VMP1: variants seen among roughly 807,000 people sequenced by gnomAD.
VMP1 encodes the protein ectopic P-granules autophagy protein 3 homolog.
Under a neutral mutation model 56.0 loss-of-function variants are expected in VMP1, and 11 were observed. The observed-to-expected ratio is 0.20, with a 90% confidence interval of 0.12 to 0.32. The LOEUF (loss-of-function observed/expected upper bound fraction) is 0.32. Ranked by LOEUF, VMP1 falls within the 10% of genes least tolerant of loss-of-function variation. The probability of loss-of-function intolerance (pLI) is 1.00; values close to 1 mark genes in which losing one functional copy is unlikely to be tolerated. For missense variants in VMP1, 296 were observed against 490.3 expected, an observed-to-expected ratio of 0.60 and a Z score of 3.74; for synonymous variants, 149 against 165.0, an observed-to-expected ratio of 0.90 and a Z score of 0.74.
chr17:59,719,296 G>A (rs1448485844), intron 1 of VMP1, among the ~76,000 whole-genome samples: 4 of 148,674 alleles, frequency 2.7e-5, no homozygotes, highest in Non-Finnish European at 1.5e-5. Flanking sequence ...TCTAGCCTGA[G>A]TGACAGAGGA....
intron 6 of VMP1, among the ~76,000 whole-genome samples, chr17:59,768,230 A>G (rs896910655): frequency 6.6e-6 from 1 of 152,202 alleles, no homozygotes; most frequent in Non-Finnish European, 1.5e-5. Context: ...GTCTCGTTAT[A>G]TTAAAAATAC....
chr17:59,791,115 T>A (rs1288203990), intron 7 of VMP1, among the ~76,000 whole-genome samples: 11 of 151,926 alleles, frequency 7.2e-5, no homozygotes, highest in Non-Finnish European at 1.3e-4. Flanking sequence ...ATTTCTAAAA[T>A]CATGGGCCTG....
Position 59,839,637 on chromosome 17 carries a change from G to T in VMP1, c.1078-131G>T. 1.0e-5 allele frequency: 12 copies of T among 1,144,758 alleles called. No individual in the cohort carries two copies. The South Asian group carries it at 1.5e-4, about 14-fold the overall frequency. 70.9% of individuals were successfully genotyped at this position (1,144,758 alleles called of 1,614,324 possible). The stretch of plus-strand genomic sequence containing the variant: ...TAATGGAGATTTCAGAGTAGTTGGG[G>T]TTGCTTACTTTTCATTTTTAATTCT... On this transcript the variant is annotated intron_variant, in intron 11 of 11. Coordinates refer to ENST00000262291, the MANE Select transcript of VMP1 (RefSeq NM_030938.5).
chr17:59,739,696 C>T (rs1434850167), intron 5 of VMP1, among the ~76,000 whole-genome samples: 3 of 130,036 alleles, frequency 2.3e-5, no homozygotes, highest in Non-Finnish European at 4.7e-5. Flanking sequence ...TGCACTCCAG[C>T]CTGGGCGACA....
intron 7 of VMP1, among the ~76,000 whole-genome samples, chr17:59,777,757 T>C (rs1391486146): frequency 6.6e-6 from 1 of 151,990 alleles, no homozygotes; most frequent in African/African-American, 2.4e-5. Context: ...GAGGTTGCGG[T>C]GAGCCAAGAT....
chr17:59,782,930 C>T (rs2036875710), intron 7 of VMP1, among the ~76,000 whole-genome samples: 1 of 152,134 alleles, frequency 6.6e-6, no homozygotes, highest in African/African-American at 2.4e-5. Flanking sequence ...TGGCCGGGCG[C>T]GATGGCTCAC....
At chr17:59,755,442 T>C (rs546848412) in intron 5 of VMP1, among the ~76,000 whole-genome samples, 5 of 152,240 alleles carry the variant, frequency 3.3e-5, no homozygotes, top group Admixed American at 3.3e-4. Flanking sequence ...TAATTCAATA[T>C]AATAAAAATA....
At chr17:59,779,499 C>G (rs570648124) in intron 7 of VMP1, among the ~76,000 whole-genome samples, 2 of 152,282 alleles carry the variant, frequency 1.3e-5, no homozygotes, top group South Asian at 2.1e-4. Context: ...TTTTGCTTCT[C>G]TTACATATCC....
At chr17:59,713,554 A>C (rs2034018272) in intron 1 of VMP1, among the ~76,000 whole-genome samples, 1 of 151,960 alleles carries the variant, frequency 6.6e-6, no homozygotes, top group African/African-American at 2.4e-5. Flanking sequence ...GGGCAGGTAA[A>C]AGAAAGATCT....
At chr17:59,737,606 C>T in intron 4 of VMP1, 63 bp downstream of exon 4, 2 of 1,403,354 alleles carry the variant, frequency 1.4e-6, no homozygotes, top group East Asian at 2.4e-5. Context: ...ATCTCAGTTT[C>T]AAATGGGATG....
At chr17:59,813,974 A>ATGATGAT (rs2038141301) in intron 9 of VMP1, among the ~76,000 whole-genome samples, 1 of 150,964 alleles carries the variant, frequency 6.6e-6, no homozygotes. Flanking sequence ...TCAATTTATG[A>ATGATGAT]TGATTGATTG....
At chr17:59,766,614 A>G (rs2036239872) in intron 6 of VMP1, among the ~76,000 whole-genome samples, 1 of 152,224 alleles carries the variant, frequency 6.6e-6, no homozygotes, top group East Asian at 1.9e-4. Flanking sequence ...AAGCCTTATT[A>G]TAGTGAACGT....
intron 6 of VMP1, among the ~76,000 whole-genome samples, chr17:59,772,853 A>G (rs1342014305): frequency 1.3e-5 from 2 of 151,602 alleles, no homozygotes; most frequent in African/African-American, 4.9e-5. Flanking sequence ...AAAAGTTTTA[A>G]CTCAACAGAA....
chr17:59,779,143 G>A (rs2036732151), intron 7 of VMP1, among the ~76,000 whole-genome samples: 1 of 152,236 alleles, frequency 6.6e-6, no homozygotes, highest in Admixed American at 6.5e-5. Context: ...GTCACCCGTT[G>A]TAAGTCAAGG....
intron 10 of VMP1, among the ~76,000 whole-genome samples, chr17:59,836,994 G>A (rs1414671366): frequency 6.6e-6 from 1 of 152,058 alleles, no homozygotes; most frequent in Non-Finnish European, 1.5e-5. Flanking sequence ...GAGGTCAGGA[G>A]TTCAAGACCA....
chr17:59,770,003 A>G (rs2036368665), intron 6 of VMP1, among the ~76,000 whole-genome samples: 1 of 152,134 alleles, frequency 6.6e-6, no homozygotes, highest in Non-Finnish European at 1.5e-5. Flanking sequence ...CTTGTTATTT[A>G]TTTGCATAAT....
intron 1 of VMP1, among the ~76,000 whole-genome samples, chr17:59,715,175 T>TA (rs1568009498): frequency 1.3e-5 from 2 of 152,252 alleles, no homozygotes; most frequent in Admixed American, 6.5e-5. Flanking sequence ...TTGCTTTTTT[T>TA]ATAAAGCTTG....
At chr17:59,795,859 A>G (rs748262663) in intron 7 of VMP1, among the ~76,000 whole-genome samples, 1 of 152,056 alleles carries the variant, frequency 6.6e-6, no homozygotes, top group Non-Finnish European at 1.5e-5. Context: ...AATTTAAACA[A>G]TTTTGTCTCA....
chr17:59,719,416 A>C (rs1388123983), intron 1 of VMP1, among the ~76,000 whole-genome samples: 1 of 152,244 alleles, frequency 6.6e-6, no homozygotes, highest in Non-Finnish European at 1.5e-5. Context: ...CCTTGTATGA[A>C]GAACAATGTG....
Sources: allele counts gnomAD v4.1 joint callset (sites outside exome capture counted in the v4.1 genomes callset), GRCh38; gene constraint gnomAD v4.1.1; transcripts MANE v1.5; gene names NCBI Gene and HGNC (gene_info 2026-07-23, HGNC 2026-07-21).